Variants in XKR9 observed in about 807,000 individuals in gnomAD.
XKR9 encodes XK related 9, also known as XK-related protein 9.
XKR9 carries 32 observed loss-of-function variants against 32.0 expected under a neutral mutation model. The ratio of observed to expected loss-of-function variants is 1.00; its 90% CI spans 0.76 to 1.34. The LOEUF (loss-of-function observed/expected upper bound fraction) is 1.34. XKR9 is among the 40% of genes most tolerant of loss of function. The pLI is 0.00. For synonymous variants in XKR9, 168 were observed against 143.4 expected, an observed-to-expected ratio of 1.17 and a Z score of -1.22; for missense variants, 546 against 429.7, an observed-to-expected ratio of 1.27 and a Z score of -2.39.
the XKR9 span, among the ~76,000 whole-genome samples, chr8:70,977,507 A>G: frequency 2.7e-4 from 41 of 152,312 alleles, no homozygotes; most frequent in Middle Eastern, 3.4e-3. Context: ...GCAGTCATTC[A>G]GGAACATTTT....
At chr8:70,742,157 C>G (rs1806996152) in intron 2 of XKR9, among the ~76,000 whole-genome samples, 1 of 152,124 alleles carries the variant, frequency 6.6e-6, no homozygotes, top group Non-Finnish European at 1.5e-5. Context: ...ATATAAATAA[C>G]TTCTGTAACT....
chr8:70,959,999 G>T, the XKR9 span, among the ~76,000 whole-genome samples: 1 of 152,192 alleles, frequency 6.6e-6, no homozygotes, highest in Non-Finnish European at 1.5e-5. Flanking sequence ...GGAGGCCAAG[G>T]TGGGCGGATC....
chr8:70,681,475 AAT>A (rs1819082138), intron 3 of XKR9, 145 bp downstream of exon 3: 1 of 948,466 alleles, frequency 1.1e-6, no homozygotes, highest in African/African-American at 1.6e-5. Flanking sequence ...CTATTGTGCT[AAT>A]ATAAGTCATT....
chr8:71,013,981 C>A, the XKR9 span, among the ~76,000 whole-genome samples: 1 of 152,082 alleles, frequency 6.6e-6, no homozygotes, highest in African/African-American at 2.4e-5. Context: ...TAGAGATAGA[C>A]CTGCCCCGAT....
At chr8:70,811,256 C>A in the XKR9 span, among the ~76,000 whole-genome samples, 7 of 152,138 alleles carry the variant, frequency 4.6e-5, no homozygotes, top group Non-Finnish European at 5.9e-5. Context: ...AACAAAGACA[C>A]AACATACCAG....
chr8:70,914,276 T>C, the XKR9 span, among the ~76,000 whole-genome samples: 232 of 152,288 alleles, frequency 1.5e-3, 1 homozygote, highest in African/African-American at 5.3e-3. Context: ...TTCTGCATCA[T>C]AGCAGATACA....
chr8:70,677,871 A>G (rs1273902743), intron 2 of XKR9, among the ~76,000 whole-genome samples: 2 of 152,208 alleles, frequency 1.3e-5, no homozygotes, highest in East Asian at 1.9e-4. Flanking sequence ...ACTACCATCT[A>G]TTCTTCTCCT....
chr8:70,767,495 TC>T (rs1367719857), intron 2 of XKR9, among the ~76,000 whole-genome samples: 2 of 122,230 alleles, frequency 1.6e-5, no homozygotes, highest in East Asian at 2.1e-4. Flanking sequence ...CTCTTTTCCT[TC>T]TTTTTTTTTT....
the XKR9 span, among the ~76,000 whole-genome samples, chr8:71,050,254 T>C: frequency 1.6e-5 from 2 of 125,168 alleles, no homozygotes; most frequent in South Asian, 2.6e-4. Context: ...TATATATATA[T>C]ATATATAGAT....
chr8:70,802,606 T>C, the XKR9 span, among the ~76,000 whole-genome samples: 1 of 152,230 alleles, frequency 6.6e-6, no homozygotes, highest in Non-Finnish European at 1.5e-5. Context: ...TAGCCAGTAA[T>C]TGTCTTTTCT....
At chr8:70,979,202 A>G in the XKR9 span, among the ~76,000 whole-genome samples, 3 of 152,152 alleles carry the variant, frequency 2.0e-5, no homozygotes, top group Non-Finnish European at 4.4e-5. Context: ...AGCTCAGAGA[A>G]GTTTGTTATT....
chr8:70,679,577 A>C (rs1014823615), intron 2 of XKR9, among the ~76,000 whole-genome samples: 1 of 152,212 alleles, frequency 6.6e-6, no homozygotes, highest in Admixed American at 6.5e-5. Flanking sequence ...AGGAGAGAGC[A>C]TGCCCCATCT....
At chr8:70,989,354 G>A in the XKR9 span, among the ~76,000 whole-genome samples, 1 of 152,300 alleles carries the variant, frequency 6.6e-6, no homozygotes, top group Non-Finnish European at 1.5e-5. Flanking sequence ...TTTGCCCTTT[G>A]TAAATGATAA....
chr8:70,763,765 A>G (rs1224447868), intron 2 of XKR9, among the ~76,000 whole-genome samples: 1 of 152,186 alleles, frequency 6.6e-6, no homozygotes, highest in Non-Finnish European at 1.5e-5. Context: ...TCCTCTTCAA[A>G]TTATTATTCA....
the XKR9 span, among the ~76,000 whole-genome samples, chr8:70,803,859 TGGGG>T: frequency 6.6e-6 from 1 of 152,172 alleles, no homozygotes; most frequent in Non-Finnish European, 1.5e-5. Flanking sequence ...TGGTAGAACA[TGGGG>T]TTGTGCCTGA....
the XKR9 span, among the ~76,000 whole-genome samples, chr8:70,890,671 T>C: frequency 1.3e-5 from 2 of 152,050 alleles, no homozygotes; most frequent in Admixed American, 1.3e-4. Context: ...TCATGACGAA[T>C]GATCTTTTTA....
chr8:70,877,649 A>G, the XKR9 span, among the ~76,000 whole-genome samples: 2 of 152,346 alleles, frequency 1.3e-5, no homozygotes, highest in East Asian at 3.9e-4. Flanking sequence ...CTTCCAAGAA[A>G]TATGGGACTA....
the XKR9 span, among the ~76,000 whole-genome samples, chr8:70,872,389 T>C: frequency 6.6e-6 from 1 of 152,162 alleles, no homozygotes; most frequent in Non-Finnish European, 1.5e-5. Flanking sequence ...GGTTGGTTCA[T>C]AAAGATTAAG....
At chr8:70,685,707 G>A (rs11778239) in intron 3 of XKR9, among the ~76,000 whole-genome samples, 4 of 128,552 alleles carry the variant, frequency 3.1e-5, no homozygotes, top group Non-Finnish European at 6.4e-5. Flanking sequence ...ACACAGGAAG[G>A]GGAACATCAC....
Sources: allele counts gnomAD v4.1 joint callset (sites outside exome capture counted in the v4.1 genomes callset), GRCh38; gene constraint gnomAD v4.1.1; transcripts MANE v1.5; gene names NCBI Gene and HGNC (gene_info 2026-07-23, HGNC 2026-07-21).